Variants in GRM1 observed in about 807,000 individuals in gnomAD.
The protein encoded by GRM1 is metabotropic glutamate receptor 1.
GRM1 carries 33 observed loss-of-function variants against 90.9 expected under a neutral mutation model. The ratio of observed to expected loss-of-function variants is 0.36; its 90% confidence interval spans 0.28 to 0.49. GRM1 has a LOEUF of 0.49. GRM1 is among the 20% of genes least tolerant of loss of function. The pLI is 0.99. For missense variants in GRM1, 1,190 were observed against 1,534.3 expected, an observed-to-expected ratio of 0.78 and a Z score of 3.75; for synonymous variants, 700 against 613.2, an observed-to-expected ratio of 1.14 and a Z score of -2.09.
intron 1 of GRM1, among the ~76,000 whole-genome samples, chr6:146,126,360 A>G (rs1776199346): frequency 6.6e-6 from 1 of 152,116 alleles, no homozygotes; most frequent in African/African-American, 2.4e-5. Flanking sequence ...TACTACAACA[A>G]TTGGATATAC....
At chr6:146,277,992 A>C (rs959280278) in intron 2 of GRM1, among the ~76,000 whole-genome samples, 1 of 152,184 alleles carries the variant, frequency 6.6e-6, no homozygotes, top group Non-Finnish European at 1.5e-5. Flanking sequence ...AAAACATACT[A>C]TCTTTAGGCT....
At chr6:146,412,534 C>T (rs1303086247) in intron 7 of GRM1, among the ~76,000 whole-genome samples, 3 of 152,140 alleles carry the variant, frequency 2.0e-5, no homozygotes, top group African/African-American at 7.2e-5. Flanking sequence ...CATATGGCAT[C>T]ATACTGTTCT....
rs746101221 is a variant in GRM1 at position 146,029,878 on chromosome 6, G to GA, written c.362dup (p.Phe122ValfsTer3). On this transcript the variant is annotated frameshift_variant, in exon 1 of 8. Transcript: ENST00000282753. LOFTEE classifies it high-confidence loss of function. ...TTCCGTGGCTCTGGAACAGAGCATT[G>GA]AGTTCATTAGGGACTCTCTGATTTC... 1 of 1,614,180 alleles carries GA rather than the reference G, an allele frequency of 6.2e-7. No homozygotes were observed. The highest frequency in any genetic ancestry group is 1.3e-5 in the African/African-American group (1 of 75,054).
intron 2 of GRM1, among the ~76,000 whole-genome samples, chr6:146,162,817 AAAAC>A (rs1562502017): frequency 7.6e-6 from 1 of 131,216 alleles, no homozygotes; most frequent in African/African-American, 4.2e-5. Context: ...TGGTAATGAA[AAAAC>A]AAAACAAAAC....
intron 1 of GRM1, among the ~76,000 whole-genome samples, chr6:146,099,391 T>C (rs1481087946): frequency 6.6e-6 from 1 of 152,004 alleles, no homozygotes; most frequent in Non-Finnish European, 1.5e-5. Context: ...TAAAAGCAAA[T>C]AATCTGTGTT....
At chr6:146,030,972 A>G (rs190532073) in intron 1 of GRM1, among the ~76,000 whole-genome samples, 1 of 152,318 alleles carries the variant, frequency 6.6e-6, no homozygotes, top group East Asian at 1.9e-4. Flanking sequence ...TTCTAACACA[A>G]TGAACTTACA....
At chr6:146,372,510 G>A (rs557632641) in intron 5 of GRM1, among the ~76,000 whole-genome samples, 1 of 152,086 alleles carries the variant, frequency 6.6e-6, no homozygotes, top group South Asian at 2.1e-4. Flanking sequence ...GCCTATGCTT[G>A]TGGGGTATTG....
intron 2 of GRM1, among the ~76,000 whole-genome samples, chr6:146,187,738 C>CATATATATATATATATATATATATAT (rs10656760): frequency 6.7e-6 from 1 of 148,440 alleles, no homozygotes; most frequent in African/African-American, 2.5e-5. Flanking sequence ...AGGCACAAAA[C>CATATATATATATATATATATATATAT]ATATATATAT....
At chr6:146,285,780 G>T (rs1036692525) in intron 2 of GRM1, among the ~76,000 whole-genome samples, 1 of 152,042 alleles carries the variant, frequency 6.6e-6, no homozygotes, top group African/African-American at 2.4e-5. Context: ...ATTTTTATTA[G>T]GTTTCTCCTG....
intron 1 of GRM1, among the ~76,000 whole-genome samples, chr6:146,041,817 C>A (rs1284505798): frequency 6.6e-6 from 1 of 151,956 alleles, no homozygotes; most frequent in African/African-American, 2.4e-5. Context: ...CATATTTCTT[C>A]TACTCCACCA....
chr6:146,377,776 A>T (rs1021775096), intron 5 of GRM1, among the ~76,000 whole-genome samples: 2 of 152,114 alleles, frequency 1.3e-5, no homozygotes, highest in African/African-American at 4.8e-5. Context: ...GAGGAAAAAA[A>T]GGCTTCCTGG....
rs577306463 is a variant in GRM1, at chr6:146,315,227, C to G, written c.1186+10381C>G. ...CACTTTTAGAGGACATGGAAAAATG[C>G]CATAGAAACAATCTAAATAGATACT... On this transcript the variant is annotated intron_variant, in intron 3 of 7. Coordinates refer to ENST00000282753, the MANE Select transcript of GRM1 (RefSeq NM_001278064.2). Among the ~76,000 whole-genome samples the G allele has an allele frequency of 9.2e-5, 14 of 152,118 alleles. 1 individual carries two copies. The highest frequency in any genetic ancestry group is 2.6e-4 in the Admixed American group (4 of 15,254).
chr6:146,101,246 T>G lies in GRM1; in HGVS notation c.701-58102T>G, dbSNP rs139620273. On this transcript the variant is annotated intron_variant, in intron 1 of 7. Coordinates refer to ENST00000282753, the MANE Select transcript of GRM1 (RefSeq NM_001278064.2). ...GCCTTATATATCCTTGTTGGACTTT[T>G]ACCGAGTCACCTGATACATTTTGAT... is the stretch of plus-strand genomic sequence containing the variant. Among the ~76,000 whole-genome samples the G allele has an allele frequency of 3.3e-5, 5 of 152,352 alleles. No homozygotes were observed. In the East Asian group the frequency reaches 7.7e-4, roughly 23 times the overall value.
chr6:146,238,532 A>G (rs9485064), intron 2 of GRM1, among the ~76,000 whole-genome samples: 2,027 of 152,204 alleles, frequency 0.013, 48 homozygotes, highest in African/African-American at 0.047. Flanking sequence ...AGAAATGAAG[A>G]AAAAGGGTAC....
intron 2 of GRM1, among the ~76,000 whole-genome samples, chr6:146,197,792 T>C (rs992509790): frequency 5.9e-5 from 9 of 152,242 alleles, no homozygotes; most frequent in Admixed American, 1.3e-4. Context: ...CATATGACTT[T>C]TAAGGAGGTA....
rs568040547 is a variant in GRM1, at chr6:146,393,074, G to T, written c.1730-5695G>T. The stretch of plus-strand genomic sequence containing the variant: ...AGTAATGGGATCGCTGGGTCAAATG[G>T]TATTTCTGGTTCTAGATCCTTGAGG... On this transcript the variant is annotated intron_variant, in intron 6 of 7. Coordinates refer to ENST00000282753, the MANE Select transcript of GRM1 (RefSeq NM_001278064.2). Among the ~76,000 whole-genome samples, 5 of 152,128 alleles carry T rather than the reference G, an allele frequency of 3.3e-5. 1 individual carries two copies. Among genetic ancestry groups the T allele is most frequent in the Admixed American group, 3.3e-4 (5 of 15,262 alleles).
At chr6:146,097,769 C>T (rs2128869487) in intron 1 of GRM1, among the ~76,000 whole-genome samples, 1 of 152,292 alleles carries the variant, frequency 6.6e-6, no homozygotes, top group South Asian at 2.1e-4. Flanking sequence ...ATTCATGCAT[C>T]GTTGAGGGCC....
intron 2 of GRM1, among the ~76,000 whole-genome samples, chr6:146,218,127 G>A (rs1397574094): frequency 1.3e-5 from 2 of 152,138 alleles, no homozygotes; most frequent in African/African-American, 4.8e-5. Flanking sequence ...GATCACTGCT[G>A]AGCCTGATCT....
intron 1 of GRM1, among the ~76,000 whole-genome samples, chr6:146,090,913 C>T (rs1273061729): frequency 1.3e-5 from 2 of 151,994 alleles, no homozygotes; most frequent in Non-Finnish European, 2.9e-5. Context: ...CATTCCTCTT[C>T]ACCTCCTGAG....
Sources: allele counts gnomAD v4.1 joint callset (sites outside exome capture counted in the v4.1 genomes callset), GRCh38; gene constraint gnomAD v4.1.1; transcripts MANE v1.5; gene names NCBI Gene and HGNC (gene_info 2026-07-23, HGNC 2026-07-21).